Variants in SGCZ observed in about 807,000 individuals in gnomAD.
SGCZ encodes the protein sarcoglycan zeta, also known as zeta-sarcoglycan.
SGCZ carries 40 observed loss-of-function variants against 41.3 expected under a neutral mutation model. The observed-to-expected ratio is 0.97, with a 90% confidence interval of 0.75 to 1.26. The LOEUF is 1.26. Ranked by LOEUF, SGCZ falls within the 50% of genes most tolerant of loss-of-function variation. SGCZ has a pLI of 0.00. For synonymous variants in SGCZ, 206 were observed against 137.5 expected (o/e 1.50, Z -3.49); for missense variants, 552 against 369.8 (o/e 1.49, Z -4.04).
intron 1 of SGCZ, among the ~76,000 whole-genome samples, chr8:14,585,047 G>A (rs1805014451): frequency 6.6e-6 from 1 of 152,084 alleles, no homozygotes; most frequent in African/African-American, 2.4e-5. Flanking sequence ...TACAGGATGA[G>A]GATGCTTCAA....
At chr8:14,393,966 T>G (rs1054516357) in intron 2 of SGCZ, among the ~76,000 whole-genome samples, 3 of 152,142 alleles carry the variant, frequency 2.0e-5, no homozygotes, top group Non-Finnish European at 4.4e-5. Flanking sequence ...TTTCTCAGCT[T>G]TGTGCTTTGA....
chr8:14,620,206 T>G (rs1479467084), intron 1 of SGCZ, among the ~76,000 whole-genome samples: 4 of 152,150 alleles, frequency 2.6e-5, no homozygotes, highest in African/African-American at 9.7e-5. Flanking sequence ...CCCTATTTAA[T>G]AAATGGTGCT....
chr8:15,214,248 G>C (rs1801327864), intron 1 of SGCZ, among the ~76,000 whole-genome samples: 1 of 151,908 alleles, frequency 6.6e-6, no homozygotes. Flanking sequence ...ACAAAATACT[G>C]TCACGATAAC....
At chr8:15,164,587 C>CTT (rs751994299) in intron 1 of SGCZ, among the ~76,000 whole-genome samples, 3 of 141,976 alleles carry the variant, frequency 2.1e-5, no homozygotes, top group Non-Finnish European at 4.6e-5. Context: ...CATTTTTAAA[C>CTT]TTTTTTTTTT....
At chr8:14,218,032 G>C (rs368324383) in intron 4 of SGCZ, among the ~76,000 whole-genome samples, 2 of 152,080 alleles carry the variant, frequency 1.3e-5, no homozygotes, top group African/African-American at 4.8e-5. Flanking sequence ...TTACCAAAGG[G>C]TAAAATATTG....
At chr8:14,461,231 T>G (rs1488733798) in intron 2 of SGCZ, among the ~76,000 whole-genome samples, 1 of 152,140 alleles carries the variant, frequency 6.6e-6, no homozygotes, top group South Asian at 2.1e-4. Context: ...GTTTTGGCAG[T>G]AGTCCTATGA....
intron 5 of SGCZ, among the ~76,000 whole-genome samples, chr8:14,109,157 T>C (rs911861219): frequency 3.3e-5 from 5 of 152,232 alleles, no homozygotes; most frequent in Non-Finnish European, 5.9e-5. Flanking sequence ...AATCATGAAC[T>C]GCTTTAAATT....
chr8:14,092,644 T>C (rs1801723227), intron 7 of SGCZ, among the ~76,000 whole-genome samples: 2 of 151,974 alleles, frequency 1.3e-5, no homozygotes, highest in African/African-American at 4.8e-5. Context: ...CAAGATCTGA[T>C]GGTTTTATAA....
At chr8:14,531,302 G>A (rs777278728) in intron 2 of SGCZ, among the ~76,000 whole-genome samples, 15 of 151,762 alleles carry the variant, frequency 9.9e-5, no homozygotes, top group Non-Finnish European at 8.8e-5. Context: ...GGTGCTGAGA[G>A]CATTCTTCCT....
intron 5 of SGCZ, among the ~76,000 whole-genome samples, chr8:14,113,529 C>CT (rs1397143933): frequency 6.6e-6 from 1 of 151,946 alleles, no homozygotes; most frequent in African/African-American, 2.4e-5. Context: ...GATTTCCAGC[C>CT]TTTTTTGAGT....
chr8:14,438,886 C>T (rs534233725), intron 2 of SGCZ, among the ~76,000 whole-genome samples: 41 of 152,060 alleles, frequency 2.7e-4, no homozygotes, highest in South Asian at 6.2e-4. Context: ...TTTTAAATGA[C>T]AGAGAGTATA....
intron 4 of SGCZ, among the ~76,000 whole-genome samples, chr8:14,168,257 G>T (rs926889185): frequency 2.6e-5 from 4 of 152,048 alleles, no homozygotes; most frequent in Admixed American, 6.6e-5. Flanking sequence ...ATTGCTGTGG[G>T]CCAAATCAGT....
intron 3 of SGCZ, among the ~76,000 whole-genome samples, chr8:14,253,423 G>T (rs1171720228): frequency 1.3e-5 from 2 of 152,170 alleles, no homozygotes; most frequent in Non-Finnish European, 2.9e-5. Context: ...CAGAAAAAGA[G>T]ATTTCAATTA....
chr8:14,901,899 A>T (rs1443061501), intron 1 of SGCZ, among the ~76,000 whole-genome samples: 1 of 152,210 alleles, frequency 6.6e-6, no homozygotes, highest in Non-Finnish European at 1.5e-5. Flanking sequence ...GAAACAAAAC[A>T]TGAGAAATTG....
chr8:14,793,408 T>C (rs1201013181), intron 1 of SGCZ, among the ~76,000 whole-genome samples: 4 of 152,180 alleles, frequency 2.6e-5, no homozygotes, highest in Non-Finnish European at 5.9e-5. Flanking sequence ...TACTATTAAT[T>C]TTGCTTTCTT....
chr8:15,204,347 G>GTC (rs1800992996), intron 1 of SGCZ, among the ~76,000 whole-genome samples: 1 of 152,182 alleles, frequency 6.6e-6, no homozygotes, highest in Admixed American at 6.5e-5. Flanking sequence ...ACCGTGTGTA[G>GTC]AAGGAAAGAC....
rs562696405 is a variant in SGCZ, at chr8:14,819,255, G to T, written c.40-264329C>A. ...TGTGTAGCAGAAATCTTGCAGGCTA[G>T]GAAAGAATGGAATGAAGAGCTGAGA... On this transcript the variant is annotated intron_variant, in intron 1 of 7. Coordinates refer to ENST00000382080, the MANE Select transcript of SGCZ (RefSeq NM_139167.4). Among the ~76,000 whole-genome samples, 31 of 152,232 alleles carry T rather than the reference G, an allele frequency of 2.0e-4. No individual in the cohort carries two copies. In the South Asian group the frequency reaches 5.8e-3, roughly 28 times the overall value.
At chr8:14,634,553 G>C (rs547599206) in intron 1 of SGCZ, among the ~76,000 whole-genome samples, 70 of 151,886 alleles carry the variant, frequency 4.6e-4, no homozygotes, top group Non-Finnish European at 1.5e-5. Context: ...AAATAAATCA[G>C]ATTGAACCCT....
chr8:14,799,692 T>A lies in SGCZ; in HGVS notation c.40-244766A>T, dbSNP rs569090112. Among the ~76,000 whole-genome samples, 951 of 105,982 alleles carry A rather than the reference T, an allele frequency of 9.0e-3. 6 individuals carry two copies. The highest frequency in any genetic ancestry group is 0.011 in the Non-Finnish European group (643 of 56,016). 69.5% of individuals were successfully genotyped at this position (105,982 alleles called of 152,430 possible). Reference sequence around the variant, plus strand: ...CGGCAAGGGCAAAATAAAAAAAAATTTTTTTTTTTAAATTTAAAAAGCGTA... The same window carrying A: ...CGGCAAGGGCAAAATAAAAAAAAATATTTTTTTTTAAATTTAAAAAGCGTA... On this transcript the variant is annotated intron_variant, in intron 1 of 7. Transcript: ENST00000382080.
Sources: gnomAD v4.1 joint callset for allele counts (sites outside exome capture counted in the v4.1 genomes callset) on GRCh38, gnomAD v4.1.1 for gene constraint, MANE v1.5 for transcripts, NCBI Gene and HGNC (gene_info 2026-07-23, HGNC 2026-07-21) for gene names.